The following GRID2 variants were observed in gnomAD, a reference collection of about 807,000 sequenced individuals.
GRID2 encodes glutamate ionotropic receptor delta type subunit 2.
A neutral mutation model predicts 114.8 loss-of-function variants in GRID2; 33 were observed. The ratio of observed to expected loss-of-function variants is 0.29; its 90% CI spans 0.22 to 0.38. The LOEUF is 0.38. Among genes scored for constraint, GRID2 ranks in the 10% least tolerant of loss-of-function variants. The probability of loss-of-function intolerance (pLI) is 1.00; values close to 1 mark genes in which losing one functional copy is unlikely to be tolerated. For missense variants in GRID2, 1,184 were observed against 1,257.7 expected (o/e 0.94, Z 0.89); for synonymous variants, 505 against 449.9 (o/e 1.12, Z -1.55).
chr4:92,974,918 G>A (rs1434474623), intron 2 of GRID2, among the ~76,000 whole-genome samples: 2 of 151,688 alleles, frequency 1.3e-5, no homozygotes, highest in African/African-American at 2.4e-5. Flanking sequence ...AGCACTTTGG[G>A]AGGCCGAGGC....
chr4:92,699,833 A>T (rs1324586868), intron 2 of GRID2, among the ~76,000 whole-genome samples: 1 of 152,146 alleles, frequency 6.6e-6, no homozygotes, highest in Non-Finnish European at 1.5e-5. Flanking sequence ...GATTTATAAA[A>T]TTCTGTTATT....
chr4:93,217,780 C>T (rs1744407653), intron 6 of GRID2, among the ~76,000 whole-genome samples: 1 of 152,004 alleles, frequency 6.6e-6, no homozygotes, highest in Admixed American at 6.6e-5. Context: ...GGTATCACTG[C>T]AGTATAATGC....
intron 1 of GRID2, among the ~76,000 whole-genome samples, chr4:93,801,909 C>T (rs1242168916): frequency 1.3e-5 from 2 of 152,126 alleles, no homozygotes; most frequent in African/African-American, 4.8e-5. Flanking sequence ...AAAATCTTAC[C>T]CAGTCCCTAC....
intron 3 of GRID2, among the ~76,000 whole-genome samples, chr4:93,100,213 G>T (rs1211910839): frequency 6.6e-6 from 1 of 151,800 alleles, no homozygotes; most frequent in Non-Finnish European, 1.5e-5. Flanking sequence ...TCAATGTAAA[G>T]ATGCCTCTTA....
intron 2 of GRID2, among the ~76,000 whole-genome samples, chr4:92,959,057 CTTTTTTT>C (rs74267681): frequency 1.1e-4 from 8 of 70,878 alleles, no homozygotes; most frequent in Admixed American, 8.2e-4. Flanking sequence ...GTCCACTCTT[CTTTTTTT>C]TTTTTTTTTT....
intron 13 of GRID2, among the ~76,000 whole-genome samples, chr4:93,593,780 T>C (rs560582450): frequency 5.8e-4 from 88 of 152,298 alleles, no homozygotes; most frequent in African/African-American, 2.0e-3. Flanking sequence ...CTCTAAACTT[T>C]CCTTCTCGCT....
intron 14 of GRID2, among the ~76,000 whole-genome samples, chr4:93,735,665 G>A (rs1003730559): frequency 6.6e-6 from 1 of 151,956 alleles, no homozygotes; most frequent in Non-Finnish European, 1.5e-5. Context: ...ATGTGAGCAC[G>A]TTTTCTTTAG....
At chr4:93,323,259 A>C (rs956649631) in intron 8 of GRID2, among the ~76,000 whole-genome samples, 4 of 152,152 alleles carry the variant, frequency 2.6e-5, no homozygotes, top group African/African-American at 4.8e-5. Flanking sequence ...TCAGCTTTCT[A>C]CATATGGCTA....
At chr4:93,015,491 C>T (rs2149238106) in intron 2 of GRID2, among the ~76,000 whole-genome samples, 1 of 152,216 alleles carries the variant, frequency 6.6e-6, no homozygotes, top group East Asian at 1.9e-4. Context: ...TAGCAGACAA[C>T]CTCATAGGGT....
At chr4:93,616,624 AT>A (rs1310215506) in intron 13 of GRID2, among the ~76,000 whole-genome samples, 1 of 138,402 alleles carries the variant, frequency 7.2e-6, no homozygotes, top group Non-Finnish European at 1.5e-5. Flanking sequence ...TAAAATAAAT[AT>A]AAAAAAAAGT....
chr4:92,981,865 G>A (rs908027143), intron 2 of GRID2, among the ~76,000 whole-genome samples: 7 of 151,506 alleles, frequency 4.6e-5, no homozygotes, highest in African/African-American at 1.5e-4. Flanking sequence ...CTGGGAAAAC[G>A]CACATCTATG....
intron 1 of GRID2, among the ~76,000 whole-genome samples, chr4:92,351,931 C>G (rs1025236581): frequency 6.6e-6 from 1 of 151,868 alleles, no homozygotes; most frequent in African/African-American, 2.4e-5. Context: ...TTGATTCCAT[C>G]TCTTGACTGT....
intron 2 of GRID2, among the ~76,000 whole-genome samples, chr4:93,038,343 G>A (rs1725126105): frequency 6.6e-6 from 1 of 152,100 alleles, no homozygotes; most frequent in South Asian, 2.1e-4. Flanking sequence ...CAAAAAGTGG[G>A]CAAAGGATAT....
At chr4:92,502,982 C>T (rs1044697050) in intron 1 of GRID2, among the ~76,000 whole-genome samples, 21 of 151,930 alleles carry the variant, frequency 1.4e-4, no homozygotes, top group African/African-American at 5.1e-4. Flanking sequence ...TCCCAAAGTG[C>T]TGGGATTACA....
intron 7 of GRID2, among the ~76,000 whole-genome samples, chr4:93,237,749 G>A (rs1746968472): frequency 6.6e-6 from 1 of 151,844 alleles, no homozygotes; most frequent in Admixed American, 6.6e-5. Flanking sequence ...TTGAATGAAA[G>A]ATGAAGCTTG....
At chr4:92,546,353 C>T (rs1039581229) in intron 1 of GRID2, among the ~76,000 whole-genome samples, 8 of 152,146 alleles carry the variant, frequency 5.3e-5, no homozygotes, top group African/African-American at 1.9e-4. Flanking sequence ...CACTTTTCCC[C>T]ATCGTGCCAT....
At chr4:93,787,406 G>C (rs1171440274) in intron 1 of GRID2, among the ~76,000 whole-genome samples, 1 of 152,088 alleles carries the variant, frequency 6.6e-6, no homozygotes, top group African/African-American at 2.4e-5. Context: ...TTTGGTGATT[G>C]CTTAGATCAA....
At chr4:93,415,797 T>C (rs2149358924) in intron 9 of GRID2, among the ~76,000 whole-genome samples, 1 of 152,158 alleles carries the variant, frequency 6.6e-6, no homozygotes, top group African/African-American at 2.4e-5. Flanking sequence ...TTTAACTTTA[T>C]GCTCAATTTA....
intron 1 of GRID2, among the ~76,000 whole-genome samples, chr4:92,404,740 T>A (rs1730946537): frequency 6.6e-6 from 1 of 152,092 alleles, no homozygotes; most frequent in Non-Finnish European, 1.5e-5. Flanking sequence ...GGGACATGGA[T>A]GGAGCTGGAA....
Sources: gnomAD v4.1 joint callset for allele counts (sites outside exome capture counted in the v4.1 genomes callset) on GRCh38, gnomAD v4.1.1 for gene constraint, MANE v1.5 for transcripts, NCBI Gene and HGNC (gene_info 2026-07-23, HGNC 2026-07-21) for gene names.